The following ESR2 variants were observed in gnomAD, a reference collection of about 807,000 sequenced individuals.
ESR2 encodes the protein estrogen receptor beta.
In ESR2, 36 loss-of-function variants were observed where a neutral mutation model predicts 49.6. The observed-to-expected ratio is 0.73, with a 90% confidence interval of 0.56 to 0.96. The LOEUF (loss-of-function observed/expected upper bound fraction) is 0.96. Ranked by LOEUF, ESR2 falls within the 40% of genes least tolerant of loss-of-function variation. The pLI is 0.00. For missense variants in ESR2, 714 were observed against 693.0 expected (o/e 1.03, Z -0.34); for synonymous variants, 320 against 266.1 (o/e 1.20, Z -1.97).
chr14:64,239,298 C>G (rs1190933363), intron 7 of ESR2, among the ~76,000 whole-genome samples: 2 of 152,210 alleles, frequency 1.3e-5, no homozygotes, highest in Admixed American at 1.3e-4. Context: ...CAGCATCCAT[C>G]TATGTCTTTG....
At position 64,268,872 on chromosome 14, in the gene ESR2, G is replaced by A. The variant is rs369253565; in HGVS notation, c.575C>T (p.Thr192Ile). 1 of 1,613,258 alleles carries A rather than the reference G, an allele frequency of 6.2e-7. No homozygotes were observed. Among genetic ancestry groups the A allele is most frequent in the African/African-American group, 1.3e-5 (1 of 74,892 alleles). ...GCTCTTGCGCCGGTTTTTATCGATT[G>A]TACACTGATTTGTAGCTGGACAAAT... ...DYICPATNQC[T>I]IDKNRRKSCQ... The change falls in exon 4 of 9, where the codon ACA becomes ATA. Residue 192 changes from threonine (T) to isoleucine (I), a missense_variant. By Grantham distance (89) the Thr-to-Ile change is moderately conservative. Transcript: ENST00000341099.
In ESR2 at chr14:64,260,719, G is replaced by A. The variant is rs530072718; in HGVS notation, c.682C>T (p.Leu228Phe). The A allele has an allele frequency of 7.2e-6, 11 of 1,524,388 alleles. No individual in the cohort carries two copies. The East Asian group carries it at 1.2e-4, about 17-fold the overall frequency. The allele number at this position is 1,524,388 out of a possible 1,614,324, so 94.4% of individuals were successfully genotyped here. A position where few individuals can be genotyped will look rare whatever the true frequency, so the allele number is the denominator to read the frequency against. The change falls in exon 5 of 9, where the codon CTT (leucine) becomes TTT (phenylalanine). Residue 228 changes from leucine to phenylalanine, a missense_variant. By Grantham distance (22) the Leu-to-Phe change is conservative. Coordinates refer to ENST00000341099, the MANE Select transcript of ESR2 (RefSeq NM_001437.3). Reference protein sequence around the residue: ...GSRRERCGYRLVRRQRSADEQ... With the variant: ...GSRRERCGYRFVRRQRSADEQ... ...TCGGCACTTCTCTGTCTCCGCACAAGGCGGTACCCACATCTCTCTCTCCGG... is the reference window on the plus strand; with the variant it reads ...TCGGCACTTCTCTGTCTCCGCACAAAGCGGTACCCACATCTCTCTCTCCGG...
chr14:64,240,663 T>G (rs1218499692), intron 7 of ESR2, among the ~76,000 whole-genome samples: 1 of 152,298 alleles, frequency 6.6e-6, no homozygotes, highest in East Asian at 1.9e-4. Context: ...AGCTGCAAGT[T>G]TTTGCATTCA....
chr14:64,321,841 T>C (rs776122108), intron 1 of ESR2, among the ~76,000 whole-genome samples: 1 of 152,076 alleles, frequency 6.6e-6, no homozygotes, highest in Non-Finnish European at 1.5e-5. Context: ...TTCTCACTTA[T>C]AAGTGGGAGC....
In ESR2 at chr14:64,257,340, T is replaced by A; in HGVS notation, c.977A>T (p.Asp326Val). 1 of 1,613,120 alleles carries A rather than the reference T, an allele frequency of 6.2e-7. No homozygotes were observed. Among genetic ancestry groups the A allele is most frequent in the Non-Finnish European group, 8.5e-7 (1 of 1,180,006 alleles). Residue 326 changes from aspartate to valine, a missense_variant, in exon 6 of 9, where the codon GAC becomes GTC. Transcript: ENST00000341099. ...ACAGCTCTCCAAGAGCCGCACTTGG[T>A]CGAACAGGCTGAGCTCCACAAAGCC... ...IPGFVELSLFDQVRLLESCWM... is the reference protein window; with the variant it reads ...IPGFVELSLFVQVRLLESCWM...
At chr14:64,324,520 C>T (rs1004208065) in intron 1 of ESR2, among the ~76,000 whole-genome samples, 1 of 152,136 alleles carries the variant, frequency 6.6e-6, no homozygotes, top group African/African-American at 2.4e-5. Context: ...TTTTCATAGT[C>T]TAATCTTTTA....
chr14:64,300,102 T>C (rs2077005855), intron 1 of ESR2, among the ~76,000 whole-genome samples: 1 of 152,166 alleles, frequency 6.6e-6, no homozygotes, highest in African/African-American at 2.4e-5. Flanking sequence ...TGGCTTCTAG[T>C]TAACAAAGAA....
chr14:64,235,039 A>G lies in ESR2; in HGVS notation c.1337T>C (p.Ile446Thr). The G allele has an allele frequency of 6.2e-7, 1 of 1,614,230 alleles. No homozygotes were observed. The highest frequency in any genetic ancestry group is 8.5e-7 in the Non-Finnish European group (1 of 1,180,052). Reference protein sequence around the residue: ...ALVWVIAKSGISSQQQSMRLA... With the variant: ...ALVWVIAKSGTSSQQQSMRLA... ...GCGCATGGATTGCTGCTGGGAGGAG[A>G]TGCCGCTCTTGGCAATCACCCAAAC... Residue 446 changes from isoleucine to threonine, a missense_variant, in exon 8 of 9, where the codon ATC becomes ACC. Coordinates refer to ENST00000341099, the MANE Select transcript of ESR2 (RefSeq NM_001437.3).
chr14:64,297,142 T>G (rs2076966923), upstream of ESR2, among the ~76,000 whole-genome samples: 1 of 152,220 alleles, frequency 6.6e-6, no homozygotes, highest in South Asian at 2.1e-4. Context: ...TTGAAAGGAC[T>G]GCCTGTCTCC....
chr14:64,257,476 G>C, intron 5 of ESR2, 112 bp from the exon 6 acceptor site: 3 of 1,338,458 alleles, frequency 2.2e-6, no homozygotes, highest in Non-Finnish European at 3.1e-6. Context: ...AACCATTAGG[G>C]AGTTGATATT....
rs73267844 is a variant in ESR2, at chr14:64,236,080, A to G, written c.1226-930T>C. On this transcript the variant is annotated intron_variant, in intron 7 of 8. Transcript: ENST00000341099. ...TGAGACTGATGATGGCTGGTGCTCC[A>G]GCAACCACAGAATTTGTTTTGGCAG... 5.4e-3 allele frequency among the ~76,000 whole-genome samples: 826 copies of G among 152,338 alleles called. 5 individuals are homozygous for G. Among genetic ancestry groups the G allele is most frequent in the African/African-American group, 0.019 (786 of 41,578 alleles).
At chr14:64,249,720 G>T in intron 6 of ESR2, 41 bp from the exon 7 acceptor site, 1 of 1,564,688 alleles carries the variant, frequency 6.4e-7, no homozygotes, top group South Asian at 1.2e-5. Flanking sequence ...CATAGCTTCA[G>T]GAAACCATCA....
chr14:64,316,706 G>A (rs1210527392), intron 1 of ESR2, among the ~76,000 whole-genome samples: 1 of 152,048 alleles, frequency 6.6e-6, no homozygotes, highest in East Asian at 1.9e-4. Context: ...CTACTTTGTA[G>A]GCTGAGGCAA....
In ESR2 at chr14:64,252,348, T is replaced by C. The variant is rs576217189; in HGVS notation, c.1092-2669A>G. Among the ~76,000 whole-genome samples the C allele has an allele frequency of 2.0e-5, 3 of 151,334 alleles. No homozygotes were observed. The South Asian group carries it at 6.2e-4, about 31-fold the overall frequency. ...ACAAAAACAAAAACAGGGCATATGA[T>C]TTGAATGTTAAAATATTGAAACAAT... is the stretch of plus-strand genomic sequence containing the variant. On this transcript the variant is annotated intron_variant, in intron 6 of 8. Transcript: ENST00000341099.
At chr14:64,335,866 G>A (rs1256122) in intron 1 of ESR2, 9,011 of 144,888 alleles carry the variant, frequency 0.062, 739 homozygotes, top group East Asian at 0.46. Context: ...GTACAGTGGC[G>A]TGATCTCGGC....
chr14:64,295,379 G>A (rs554760619), upstream of ESR2, among the ~76,000 whole-genome samples: 2 of 152,308 alleles, frequency 1.3e-5, no homozygotes, highest in East Asian at 3.9e-4. Context: ...AAAATAGAGA[G>A]ACGCAAGTGT....
intron 3 of ESR2, among the ~76,000 whole-genome samples, chr14:64,269,431 G>A (rs964833820): frequency 8.5e-5 from 13 of 152,222 alleles, no homozygotes; most frequent in Middle Eastern, 3.2e-3. Context: ...GTGGATTACC[G>A]TTCTCAATTC....
At chr14:64,314,100 A>T (rs2077222203) in intron 1 of ESR2, among the ~76,000 whole-genome samples, 1 of 152,166 alleles carries the variant, frequency 6.6e-6, no homozygotes, top group South Asian at 2.1e-4. Context: ...TGCAAGAAAT[A>T]GTAAGATAGA....
intron 1 of ESR2, among the ~76,000 whole-genome samples, chr14:64,289,974 A>G (rs1275669694): frequency 6.6e-6 from 1 of 152,234 alleles, no homozygotes; most frequent in Non-Finnish European, 1.5e-5. Context: ...TCACGCTCAC[A>G]AAGCAGCAAC....
Sources: allele counts gnomAD v4.1 joint callset (sites outside exome capture counted in the v4.1 genomes callset), GRCh38; gene constraint gnomAD v4.1.1; transcripts MANE v1.5; gene names NCBI Gene and HGNC (gene_info 2026-07-23, HGNC 2026-07-21).